The following CA1 variants were observed in gnomAD, a reference collection of about 807,000 sequenced individuals.
The protein encoded by CA1 is carbonic anhydrase 1.
In CA1, 27 loss-of-function variants were observed where a neutral mutation model predicts 28.8. That is an observed-to-expected ratio of 0.94 (90% CI 0.69 to 1.29). CA1 has a LOEUF of 1.29. CA1 is among the 50% of genes most tolerant of loss of function. CA1 has a pLI of 0.00. For missense variants in CA1, 335 were observed against 310.5 expected, an observed-to-expected ratio of 1.08 and a Z score of -0.59; for synonymous variants, 121 against 108.8, an observed-to-expected ratio of 1.11 and a Z score of -0.70.
intron 1 of CA1, among the ~76,000 whole-genome samples, chr8:85,362,165 T>A (rs914129077): frequency 5.3e-5 from 8 of 152,188 alleles, no homozygotes; most frequent in Non-Finnish European, 1.2e-4. Flanking sequence ...TGGCTTATGA[T>A]CCCTTCTCCA....
At chr8:85,371,917 A>G (rs1810241222) in intron 1 of CA1, among the ~76,000 whole-genome samples, 1 of 152,214 alleles carries the variant, frequency 6.6e-6, no homozygotes, top group African/African-American at 2.4e-5. Flanking sequence ...TCAAACATCC[A>G]TTAAACACCA....
At chr8:85,369,082 C>G (rs149187012) in intron 1 of CA1, among the ~76,000 whole-genome samples, 2 of 152,258 alleles carry the variant, frequency 1.3e-5, no homozygotes, top group East Asian at 3.9e-4. Flanking sequence ...AGCCTTGAAC[C>G]CTGATCTCTG....
rs543504859 is a variant in CA1 at position 85,364,394 on chromosome 8, T to A, written c.-25+13652A>T. On this transcript the variant is annotated intron_variant, in intron 1 of 7. Coordinates refer to ENST00000523022, the MANE Select transcript of CA1 (RefSeq NM_001128831.4). ...CATTCAAACCGTAGTTATATTTATG[T>A]GTATACTTGTCTCTCCACCAGATGG... is the stretch of plus-strand genomic sequence containing the variant. Among the ~76,000 whole-genome samples, 13 of 152,366 alleles carry A rather than the reference T, an allele frequency of 8.5e-5. No homozygotes were observed. In the East Asian group the frequency reaches 2.5e-3, roughly 29 times the overall value.
At chr8:85,358,379 G>A (rs1013560019) in intron 1 of CA1, among the ~76,000 whole-genome samples, 9 of 151,812 alleles carry the variant, frequency 5.9e-5, no homozygotes, top group East Asian at 3.9e-4. Context: ...TTATTTTTTC[G>A]GAGCTTTTAT....
At chr8:85,344,262 ATATAATATATAAT>A in intron 1 of CA1, among the ~76,000 whole-genome samples, 1 of 66,438 alleles carries the variant, frequency 1.5e-5, no homozygotes, top group East Asian at 2.5e-4. Context: ...TATATACAGT[ATATAATATATAAT>A]TATATATTAT....
intron 1 of CA1, among the ~76,000 whole-genome samples, chr8:85,355,097 C>G (rs975216733): frequency 6.6e-6 from 1 of 152,092 alleles, no homozygotes; most frequent in Non-Finnish European, 1.5e-5. Context: ...ACTCCAGTAC[C>G]CTCTTATCTC....
At chr8:85,361,833 C>G (rs1292023811) in intron 1 of CA1, among the ~76,000 whole-genome samples, 1 of 152,226 alleles carries the variant, frequency 6.6e-6, no homozygotes, top group Non-Finnish European at 1.5e-5. Flanking sequence ...CACCAATTCA[C>G]CAGCTACTAT....
chr8:85,346,227 C>T (rs931371973), intron 1 of CA1, among the ~76,000 whole-genome samples: 1 of 152,090 alleles, frequency 6.6e-6, no homozygotes, highest in Admixed American at 6.6e-5. Flanking sequence ...CACTGATATT[C>T]AGAGAATATC....
chr8:85,341,615 T>G lies in CA1; in HGVS notation c.21A>C (p.Gly7=), dbSNP rs1808936514. MASPDW[G]YDDKNGPEQW... Reference sequence around the variant, plus strand: ...AACTCTTACCATTTTTGTCATCATATCCCCAGTCTGGACTTGCCATTATCT... The same window carrying G: ...AACTCTTACCATTTTTGTCATCATAGCCCCAGTCTGGACTTGCCATTATCT... The change falls in exon 2 of 8, where the codon GGA becomes GGC. Residue 7 remains glycine (G), a synonymous_variant. Coordinates refer to ENST00000523022, the MANE Select transcript of CA1 (RefSeq NM_001128831.4). 2 of 1,597,712 alleles carry G rather than the reference T, an allele frequency of 1.3e-6. No homozygotes were observed. Among genetic ancestry groups the G allele is most frequent in the East Asian group, 4.5e-5 (2 of 44,680 alleles).
intron 1 of CA1, among the ~76,000 whole-genome samples, chr8:85,368,003 C>G (rs530297679): frequency 2.0e-5 from 3 of 151,846 alleles, no homozygotes; most frequent in African/African-American, 7.3e-5. Context: ...CACTTATTTT[C>G]TTTTCATTGC....
intron 3 of CA1, chr8:85,337,328 C>A (rs181170195): frequency 5.1e-4 from 227 of 449,362 alleles, no homozygotes; most frequent in African/African-American, 3.4e-3. Context: ...TTTCTAACTC[C>A]TAGAAAGCAT....
At chr8:85,355,549 C>CTTTTTTTTTT (rs11353842) in intron 1 of CA1, among the ~76,000 whole-genome samples, 6 of 108,698 alleles carry the variant, frequency 5.5e-5, no homozygotes, top group Non-Finnish European at 7.4e-5. Context: ...TGTCTAGTTC[C>CTTTTTTTTTT]TTTTTTTTTT....
At position 85,329,721 on chromosome 8, in the gene CA1, A is replaced by C; in HGVS notation, c.637T>G (p.Cys213Gly). The C allele has an allele frequency of 1.9e-6, 3 of 1,610,402 alleles. No individual in the cohort carries two copies. The highest frequency in any genetic ancestry group is 1.7e-6 in the Non-Finnish European group (2 of 1,178,064). The change falls in exon 7 of 8, where the codon TGT (cysteine) becomes GGT (glycine). Residue 213 changes from cysteine to glycine, a missense_variant. By Grantham distance (159) the Cys-to-Gly change is radical (BLOSUM62 -3). Transcript: ENST00000523022. The part of the protein sequence containing the change: ...PLYESVTWII[C>G]KESISVSSEQ... The stretch of plus-strand genomic sequence containing the variant: ...GAGCTGACACTGATGCTCTCCTTAC[A>C]GATGATCCAAGTTACACTCTCATAA...
chr8:85,341,767 G>A (rs1808943965), intron 1 of CA1, 108 bp from the exon 2 acceptor site: 1 of 679,318 alleles, frequency 1.5e-6, no homozygotes, highest in Non-Finnish European at 2.7e-6. Flanking sequence ...CTTTTAATAG[G>A]CCATTATTTC....
chr8:85,365,316 C>G (rs368625025), intron 1 of CA1, among the ~76,000 whole-genome samples: 1 of 152,204 alleles, frequency 6.6e-6, no homozygotes, highest in Non-Finnish European at 1.5e-5. Flanking sequence ...GCACATAAAT[C>G]TAGAAGTAGG....
intron 1 of CA1, among the ~76,000 whole-genome samples, chr8:85,366,165 CTTT>C (rs11395706): frequency 3.9e-5 from 5 of 128,282 alleles, no homozygotes; most frequent in African/African-American, 1.2e-4. Flanking sequence ...CTTTCTTCCC[CTTT>C]TTTTTTTTTT....
chr8:85,375,360 C>T (rs1810371262), intron 1 of CA1, among the ~76,000 whole-genome samples: 1 of 152,146 alleles, frequency 6.6e-6, no homozygotes, highest in Admixed American at 6.6e-5. Flanking sequence ...GCTGGCCTGT[C>T]CTGGCATTGC....
intron 1 of CA1, among the ~76,000 whole-genome samples, chr8:85,360,468 T>TATC (rs1206388845): frequency 6.6e-6 from 1 of 151,654 alleles, no homozygotes; most frequent in African/African-American, 2.4e-5. Context: ...AAGGCAGGAG[T>TATC]ATCACTTGAG....
rs754627939 is a variant in CA1, at chr8:85,328,652, A to T, written c.694T>A (p.Ser232Thr). 125 of 1,609,206 alleles carry T rather than the reference A, an allele frequency of 7.8e-5. No homozygotes were observed. In the Middle Eastern group the frequency reaches 9.9e-4, roughly 13 times the overall value. The change falls in exon 8 of 8, where the codon TCA becomes ACA. Residue 232 changes from serine (S) to threonine (T), a missense_variant. Physicochemically the swap from Ser to Thr is moderately conservative, Grantham distance 58. Coordinates refer to ENST00000523022, the MANE Select transcript of CA1 (RefSeq NM_001128831.4). Reference protein sequence around the residue: ...EQLAQFRSLLSNVEGDNAVPM... With the variant: ...EQLAQFRSLLTNVEGDNAVPM... ...ACAGCGTTATCACCTTCAACATTTGATAGAAGGCTGCGGAATTGTGCCAGC... is the reference window on the plus strand; with the variant it reads ...ACAGCGTTATCACCTTCAACATTTGTTAGAAGGCTGCGGAATTGTGCCAGC...
Sources: allele counts gnomAD v4.1 joint callset (sites outside exome capture counted in the v4.1 genomes callset), GRCh38; gene constraint gnomAD v4.1.1; transcripts MANE v1.5; gene names NCBI Gene and HGNC (gene_info 2026-07-23, HGNC 2026-07-21).